The following CSMD1 variants were observed in gnomAD, a reference collection of about 807,000 sequenced individuals.
CSMD1 encodes CUB and sushi domain-containing protein 1.
A neutral mutation model predicts 417.5 loss-of-function variants in CSMD1; 213 were observed. The observed-to-expected ratio is 0.51, with a 90% CI of 0.46 to 0.57. The LOEUF (loss-of-function observed/expected upper bound fraction) is 0.57, where lower values mean the gene tolerates loss of function less well. Among genes scored for constraint, CSMD1 ranks in the 20% least tolerant of loss-of-function variants. CSMD1 has a pLI of 0.00. For missense variants in CSMD1, 6,923 were observed against 4,529.7 expected (o/e 1.53, Z -15.17); for synonymous variants, 2,862 against 1,736.8 (o/e 1.65, Z -16.11).
At chr8:4,663,735 C>T (rs1309664383) in intron 1 of CSMD1, among the ~76,000 whole-genome samples, 1 of 152,180 alleles carries the variant, frequency 6.6e-6, no homozygotes, top group Non-Finnish European at 1.5e-5. Context: ...AAATAAATTG[C>T]CCAGTCACAG....
intron 3 of CSMD1, among the ~76,000 whole-genome samples, chr8:4,295,357 TAA>T (rs910539730): frequency 1.4e-5 from 2 of 143,808 alleles, no homozygotes; most frequent in African/African-American, 5.0e-5. Flanking sequence ...CATATAACCT[TAA>T]GATTATATAT....
intron 1 of CSMD1, among the ~76,000 whole-genome samples, chr8:4,928,876 C>A (rs559266241): frequency 6.6e-6 from 1 of 152,002 alleles, no homozygotes; most frequent in East Asian, 1.9e-4. Context: ...TCGAGACCAG[C>A]CTGCCAACAT....
intron 12 of CSMD1, among the ~76,000 whole-genome samples, chr8:3,446,910 T>G (rs954640698): frequency 6.6e-6 from 1 of 152,202 alleles, no homozygotes; most frequent in African/African-American, 2.4e-5. Context: ...AAGCACTAAT[T>G]GAGTTGGGGG....
chr8:3,935,213 G>A (rs574001000), intron 5 of CSMD1, among the ~76,000 whole-genome samples: 7 of 152,196 alleles, frequency 4.6e-5, no homozygotes, highest in African/African-American at 1.7e-4. Flanking sequence ...AGCTCCAACA[G>A]AACAAATGGA....
At chr8:4,300,931 T>C (rs1246198434) in intron 3 of CSMD1, among the ~76,000 whole-genome samples, 2 of 152,214 alleles carry the variant, frequency 1.3e-5, no homozygotes, top group East Asian at 1.9e-4. Flanking sequence ...ATCCAGACTA[T>C]CGTTGTTGGA....
intron 10 of CSMD1, among the ~76,000 whole-genome samples, chr8:3,499,763 T>C (rs546291693): frequency 1.5e-4 from 23 of 152,120 alleles, no homozygotes; most frequent in African/African-American, 5.3e-4. Flanking sequence ...TAGTCCTGCA[T>C]CCTTCTCCTT....
chr8:3,434,004 G>A (rs1814392770), intron 12 of CSMD1, among the ~76,000 whole-genome samples: 1 of 152,218 alleles, frequency 6.6e-6, no homozygotes, highest in African/African-American at 2.4e-5. Flanking sequence ...AAAGCACTGA[G>A]TGATTTCTCT....
intron 3 of CSMD1, among the ~76,000 whole-genome samples, chr8:4,102,881 C>T (rs1294820918): frequency 6.6e-6 from 1 of 152,194 alleles, no homozygotes; most frequent in Admixed American, 6.5e-5. Flanking sequence ...CTTACCTCTG[C>T]AGTCTAAAGG....
intron 23 of CSMD1, among the ~76,000 whole-genome samples, chr8:3,332,986 A>G (rs1807005607): frequency 6.6e-6 from 1 of 152,212 alleles, no homozygotes; most frequent in Non-Finnish European, 1.5e-5. Flanking sequence ...AAGCCCTTGA[A>G]AGAGGGTCTG....
intron 23 of CSMD1, among the ~76,000 whole-genome samples, chr8:3,324,611 C>T (rs528076348): frequency 6.6e-6 from 1 of 151,286 alleles, no homozygotes; most frequent in Non-Finnish European, 1.5e-5. Context: ...TCCTTCCCCC[C>T]ACCTTTCATC....
intron 3 of CSMD1, among the ~76,000 whole-genome samples, chr8:4,409,391 T>A (rs1471716305): frequency 6.6e-6 from 1 of 152,170 alleles, no homozygotes; most frequent in Non-Finnish European, 1.5e-5. Context: ...TAATTTACCC[T>A]TTCTCAGTGA....
chr8:3,979,324 T>C (rs1406182038), intron 5 of CSMD1, among the ~76,000 whole-genome samples: 3 of 152,326 alleles, frequency 2.0e-5, no homozygotes, highest in East Asian at 3.9e-4. Context: ...GAATCAGGTA[T>C]CACGCTGTTG....
At chr8:3,693,345 G>C (rs1208547905) in intron 7 of CSMD1, among the ~76,000 whole-genome samples, 1 of 152,078 alleles carries the variant, frequency 6.6e-6, no homozygotes, top group Non-Finnish European at 1.5e-5. Context: ...ATTATTGTCA[G>C]ATGTCCAAGA....
chr8:4,888,202 AT>A (rs1262712337), intron 1 of CSMD1, among the ~76,000 whole-genome samples: 1 of 152,100 alleles, frequency 6.6e-6, no homozygotes, highest in Non-Finnish European at 1.5e-5. Flanking sequence ...ATGAAGTATA[AT>A]AAAAGAAAGA....
chr8:3,519,848 T>C (rs1359267374), intron 10 of CSMD1, among the ~76,000 whole-genome samples: 1 of 152,146 alleles, frequency 6.6e-6, no homozygotes, highest in Non-Finnish European at 1.5e-5. Flanking sequence ...AACCATCCCA[T>C]CAACCTCCCA....
intron 52 of CSMD1, among the ~76,000 whole-genome samples, chr8:3,008,819 T>A (rs1318436308): frequency 6.6e-6 from 1 of 152,210 alleles, no homozygotes; most frequent in Non-Finnish European, 1.5e-5. Context: ...CAGTGGTGAC[T>A]TTCTGAGTGA....
intron 12 of CSMD1, among the ~76,000 whole-genome samples, chr8:3,415,988 C>T (rs1336160942): frequency 6.6e-6 from 1 of 152,058 alleles, no homozygotes; most frequent in African/African-American, 2.4e-5. Flanking sequence ...ACTTTTCACA[C>T]TTGTCAATTC....
At chr8:3,009,678 G>C (rs1383474438) in intron 52 of CSMD1, among the ~76,000 whole-genome samples, 1 of 152,122 alleles carries the variant, frequency 6.6e-6, no homozygotes, top group Non-Finnish European at 1.5e-5. Context: ...GCAATCTCTA[G>C]GGGCAATGCT....
At chr8:3,292,428 G>T (rs1294881613) in intron 25 of CSMD1, among the ~76,000 whole-genome samples, 1 of 152,150 alleles carries the variant, frequency 6.6e-6, no homozygotes, top group Non-Finnish European at 1.5e-5. Flanking sequence ...ACAGTGGGGT[G>T]TTAAAGTCTC....
Sources: allele counts gnomAD v4.1 joint callset (sites outside exome capture counted in the v4.1 genomes callset), GRCh38; gene constraint gnomAD v4.1.1; transcripts MANE v1.5; gene names NCBI Gene and HGNC (gene_info 2026-07-23, HGNC 2026-07-21).